The following CLPTM1 variants were observed in gnomAD, a reference collection of about 807,000 sequenced individuals.
The protein encoded by CLPTM1 is putative lipid scramblase CLPTM1.
In CLPTM1, 21 loss-of-function variants were observed where a neutral mutation model predicts 77.3. The ratio of observed to expected loss-of-function variants is 0.27; its 90% CI spans 0.19 to 0.39. The LOEUF is 0.39. Ranked by LOEUF, CLPTM1 falls within the 10% of genes least tolerant of loss-of-function variation. The pLI is 1.00. For synonymous variants in CLPTM1, 373 were observed against 381.0 expected (o/e 0.98, Z 0.24); for missense variants, 642 against 921.2 (o/e 0.70, Z 3.92).
intron 1 of CLPTM1, among the ~76,000 whole-genome samples, chr19:44,956,427 A>G (rs902661160): frequency 6.6e-6 from 1 of 152,162 alleles, no homozygotes; most frequent in South Asian, 2.1e-4. Flanking sequence ...ATCCTGAATG[A>G]TTAGGTTGGT....
At chr19:44,955,755 C>G (rs1050938488) in intron 1 of CLPTM1, 3 of 343,054 alleles carry the variant, frequency 8.7e-6, no homozygotes. Context: ...TGTACCTTGG[C>G]GCGCTGGGTT....
intron 5 of CLPTM1, among the ~76,000 whole-genome samples, chr19:44,984,922 CAG>C (rs1370545646): frequency 6.6e-6 from 1 of 152,154 alleles, no homozygotes; most frequent in African/African-American, 2.4e-5. Context: ...CTCCTGACCT[CAG>C]GGGATCTGCC....
In CLPTM1 at chr19:44,991,095, TG is replaced by T; in HGVS notation, c.1420-140del. 7.4e-7 allele frequency: 1 copy of T among 1,346,082 alleles called. No individual in the cohort carries two copies. Among genetic ancestry groups the T allele is most frequent in the Non-Finnish European group, 1.0e-6 (1 of 970,684 alleles). 83.4% of individuals were successfully genotyped at this position (1,346,082 alleles called of 1,614,324 possible). On this transcript the variant is annotated intron_variant, in intron 11 of 13. Coordinates refer to ENST00000337392, the MANE Select transcript of CLPTM1 (RefSeq NM_001294.4). The surrounding 1 kb of genome is among the most constrained non-coding windows in gnomAD (Gnocchi z 5.4). The stretch of plus-strand genomic sequence containing the variant: ...CCCCCATCTGCCATAACTGCTTCCC[TG>T]GGCGAGTCCGGAGTCCCCAGGGCTA...
chr19:44,964,631 A>G (rs1452622868), intron 2 of CLPTM1, among the ~76,000 whole-genome samples: 2 of 152,022 alleles, frequency 1.3e-5, no homozygotes, highest in Non-Finnish European at 2.9e-5. Context: ...ATTTTTAAGT[A>G]TGTAGTCCTG....
Position 44,991,224 on chromosome 19 carries a change from C to G in CLPTM1, c.1420-14C>G, listed in dbSNP as rs371094335. 1.1e-5 allele frequency: 17 copies of G among 1,613,764 alleles called. No homozygotes were observed. The highest frequency in any genetic ancestry group is 1.4e-5 in the Non-Finnish European group (16 of 1,179,834). On this transcript the variant is annotated splice_polypyrimidine_tract_variant and intron_variant, in intron 11 of 13. Coordinates refer to ENST00000337392, the MANE Select transcript of CLPTM1 (RefSeq NM_001294.4). This position sits in a 1 kb window ranked among gnomAD's most constrained non-coding sequence, Gnocchi z 5.4. ...TGAGGAGCTGGCTGACAGCCCCACC[C>G]TGTGGCCCCACAGATGGCATTCCGG...
chr19:44,954,874 G>A (rs1970432023), upstream of CLPTM1: 2 of 1,228,158 alleles, frequency 1.6e-6, no homozygotes, highest in African/African-American at 1.5e-5. Context: ...AGTTGTCTTA[G>A]GAAGAGGGGT....
At position 44,990,975 on chromosome 19, in the gene CLPTM1, G is replaced by T. The variant is rs1453380550; in HGVS notation, c.1419+30G>T. ...GTGTCCTGCACAGTGGGCCCCTGGGGGTGGTCTCCAGGTACCACGTATCCC... is the reference window on the plus strand; with the variant it reads ...GTGTCCTGCACAGTGGGCCCCTGGGTGTGGTCTCCAGGTACCACGTATCCC... On this transcript the variant is annotated intron_variant, in intron 11 of 13. Coordinates refer to ENST00000337392, the MANE Select transcript of CLPTM1 (RefSeq NM_001294.4). This position sits in a 1 kb window ranked among gnomAD's most constrained non-coding sequence, Gnocchi z 4.8. 2.1e-6 allele frequency: 3 copies of T among 1,438,358 alleles called. No individual in the cohort carries two copies. The highest frequency in any genetic ancestry group is 5.8e-5 in the African/African-American group (2 of 34,366). 89.1% of individuals were successfully genotyped at this position (1,438,358 alleles called of 1,614,324 possible).
At chr19:44,979,888 G>A (rs1261479237) in intron 5 of CLPTM1, among the ~76,000 whole-genome samples, 2 of 152,180 alleles carry the variant, frequency 1.3e-5, no homozygotes, top group African/African-American at 4.8e-5. Context: ...AGGTCGCTCT[G>A]AAGGTGACCC....
intron 1 of CLPTM1, among the ~76,000 whole-genome samples, chr19:44,960,035 C>T (rs554881817): frequency 6.6e-6 from 1 of 152,318 alleles, no homozygotes; most frequent in South Asian, 2.1e-4. Flanking sequence ...AGCTCAGACC[C>T]ATTGAAACCC....
upstream of CLPTM1, chr19:44,955,378 G>A: frequency 1.5e-6 from 2 of 1,328,494 alleles, no homozygotes; most frequent in Non-Finnish European, 1.9e-6. Context: ...GGCGGGGGCG[G>A]GGACCCGGAG....
intron 1 of CLPTM1, among the ~76,000 whole-genome samples, chr19:44,957,239 G>C (rs943731936): frequency 1.3e-5 from 2 of 152,222 alleles, no homozygotes; most frequent in Admixed American, 6.5e-5. Context: ...TTAGCTAGTT[G>C]ATGTGTATTA....
At position 44,974,558 on chromosome 19, in the gene CLPTM1, C is replaced by T. The variant is rs754473940; in HGVS notation, c.429C>T (p.Asp143=). ...YGDWTSGENS[D]GCYEHFAELD... ...ACTGGACTAGCGGCGAGAACTCAGA[C>T]GGCTGCTACGAGCACTTTGCTGAGC... Residue 143 remains aspartate (D), a synonymous_variant, in exon 4 of 14, where the codon GAC becomes GAT. Coordinates refer to ENST00000337392, the MANE Select transcript of CLPTM1 (RefSeq NM_001294.4). 6.2e-5 allele frequency: 100 copies of T among 1,614,086 alleles called. No individual in the cohort carries two copies. The highest frequency in any genetic ancestry group is 7.8e-5 in the Non-Finnish European group (92 of 1,180,038).
rs752887004 is a variant in CLPTM1 at position 44,990,151 on chromosome 19, C to T, written c.1133-244C>T. 1.8e-6 allele frequency: 1 copy of T among 544,080 alleles called. No homozygotes were observed. Among genetic ancestry groups the T allele is most frequent in the Non-Finnish European group, 3.3e-6 (1 of 305,186 alleles). The allele number at this position is 544,080 out of a possible 1,614,324, so 33.7% of individuals were successfully genotyped here. ...GTCACCATCAGTCAAGGGACTGCAC[C>T]TTGGGGTGCTGGGTGCTGACGTCCT... On this transcript the variant is annotated intron_variant, in intron 9 of 13. Transcript: ENST00000337392. The surrounding 1 kb of genome is among the most constrained non-coding windows in gnomAD (Gnocchi z 4.8).
chr19:44,987,771 G>C (rs1260369047), intron 8 of CLPTM1: 9 of 552,896 alleles, frequency 1.6e-5, no homozygotes, highest in Non-Finnish European at 2.9e-5. Context: ...GTGGCGTGAG[G>C]CTCGGCTTTG....
chr19:44,979,003 CAG>C (rs1370321394), intron 5 of CLPTM1, among the ~76,000 whole-genome samples: 28 of 139,660 alleles, frequency 2.0e-4, no homozygotes, highest in Non-Finnish European at 3.8e-4. Flanking sequence ...TTTTTTGAGA[CAG>C]GGTCTCACTA....
At position 44,974,492 on chromosome 19, in the gene CLPTM1, G is replaced by A. The variant is rs147024274; in HGVS notation, c.363G>A (p.Thr121=). ...EHEHFTDFNA[T]SALFWEQHDL... is the part of the protein sequence containing the mutation. Reference sequence around the variant, plus strand: ...AGCACTTTACAGACTTCAACGCCACGTCGGCACTCTTCTGGGAACAGCACG... The same window carrying A: ...AGCACTTTACAGACTTCAACGCCACATCGGCACTCTTCTGGGAACAGCACG... Residue 121 remains threonine, a synonymous_variant, in exon 4 of 14, where the codon ACG becomes ACA. Coordinates refer to ENST00000337392, the MANE Select transcript of CLPTM1 (RefSeq NM_001294.4). The A allele has an allele frequency of 1.3e-4, 210 of 1,614,128 alleles. No individual in the cohort carries two copies. The African/African-American group carries it at 2.1e-3, about 16-fold the overall frequency.
chr19:44,956,408 A>G (rs1023907935), intron 1 of CLPTM1, among the ~76,000 whole-genome samples: 1 of 152,176 alleles, frequency 6.6e-6, no homozygotes, highest in African/African-American at 2.4e-5. Context: ...TGACATGTAA[A>G]CAGTTGTAAT....
At chr19:44,988,045 TG>T in intron 8 of CLPTM1, 34 bp from the exon 9 acceptor site, 1 of 1,489,924 alleles carries the variant, frequency 6.7e-7, no homozygotes, top group Non-Finnish European at 9.4e-7. Flanking sequence ...TGCTCCTGGG[TG>T]GGGACAGGCT....
chr19:44,964,672 C>T (rs1405801872), intron 2 of CLPTM1, among the ~76,000 whole-genome samples: 3 of 152,102 alleles, frequency 2.0e-5, no homozygotes, highest in African/African-American at 4.8e-5. Context: ...CTGTTGTGCC[C>T]CCATCACCAT....
Sources: gnomAD v4.1 joint callset for allele counts (sites outside exome capture counted in the v4.1 genomes callset) on GRCh38, gnomAD v4.1.1 for gene constraint, Gnocchi (gnomAD v3.1) non-coding constraint, MANE v1.5 for transcripts, NCBI Gene and HGNC (gene_info 2026-07-23, HGNC 2026-07-21) for gene names.